Variants in SCAP observed in about 807,000 individuals in gnomAD.
The protein encoded by SCAP is SREBF chaperone.
Under a neutral mutation model 123.6 loss-of-function variants are expected in SCAP, and 65 were observed. That is an observed-to-expected ratio of 0.53 (90% CI 0.43 to 0.65). SCAP has a LOEUF of 0.65. SCAP is among the 30% of genes least tolerant of loss of function. SCAP has a pLI of 0.00. For missense variants in SCAP, 1,398 were observed against 1,712.5 expected (o/e 0.82, Z 3.24); for synonymous variants, 740 against 726.3 (o/e 1.02, Z -0.30).
At chr3:47,437,606 C>A (rs1706633119) in intron 2 of SCAP, among the ~76,000 whole-genome samples, 4 of 151,380 alleles carry the variant, frequency 2.6e-5, no homozygotes, top group Admixed American at 2.6e-4. Context: ...GTTAGCCAGG[C>A]ATGCTGGTGC....
chr3:47,427,152 C>T lies in SCAP; in HGVS notation c.737+5G>A. 6.2e-7 allele frequency: 1 copy of T among 1,607,418 alleles called. No individual in the cohort carries two copies. Among genetic ancestry groups the T allele is most frequent in the East Asian group, 2.2e-5 (1 of 44,838 alleles). On this transcript the variant is annotated splice_donor_5th_base_variant and intron_variant, in intron 6 of 22. Coordinates refer to ENST00000265565, the MANE Select transcript of SCAP (RefSeq NM_012235.4). ...GTCAAGAGCCCAGGGTACTGTCAAT[C>T]TTACTTGGCATGGTAGTGCTGGAAG...
In SCAP at chr3:47,434,929, A is replaced by G. The variant is rs202229681; in HGVS notation, c.252+79T>C. The G allele has an allele frequency of 2.2e-5, 35 of 1,590,862 alleles. 1 individual carries two copies. Among genetic ancestry groups the G allele is most frequent in the Middle Eastern group, 1.7e-4 (1 of 5,894 alleles). On this transcript the variant is annotated intron_variant, in intron 3 of 22. Transcript: ENST00000265565. ...ACAAATCAGAAGCTGACCAACCTCA[A>G]TCTCACTGGCAGACCCCTGCCTCAG...
At chr3:47,414,411 G>T (rs1324472757) in intron 21 of SCAP, 25 bp from the exon 22 acceptor site, 3 of 1,610,976 alleles carry the variant, frequency 1.9e-6, no homozygotes, top group Non-Finnish European at 2.5e-6. Context: ...CAGGGGAGTG[G>T]GGTCACCATG....
At chr3:47,465,232 ACAATCTCGGTTCACTG>A (rs1373146058) in intron 1 of SCAP, among the ~76,000 whole-genome samples, 7 of 150,950 alleles carry the variant, frequency 4.6e-5, no homozygotes, top group African/African-American at 1.7e-4. Context: ...GTGCAGTGGC[ACAATCTCGGTTCACTG>A]CAATCTCCGC....
chr3:47,476,517 A>C (rs1400772278), upstream of SCAP, among the ~76,000 whole-genome samples: 1 of 152,254 alleles, frequency 6.6e-6, no homozygotes, highest in African/African-American at 2.4e-5. Flanking sequence ...AGATGAGAAG[A>C]ATAAATAATG....
intron 8 of SCAP, 144 bp downstream of exon 8, chr3:47,425,341 G>GA: frequency 1.2e-6 from 1 of 864,234 alleles, no homozygotes; most frequent in Non-Finnish European, 1.7e-6. Context: ...AGAAGAGGAA[G>GA]AAAATGTACC....
In SCAP at chr3:47,425,603, C is replaced by T. The variant is rs200661820; in HGVS notation, c.919G>A (p.Asp307Asn). The part of the protein sequence containing the change: ...AYIYFSTRKI[D>N]MVKSKWGLAL... ...AGCCCCCACTTGGACTTGACCATGTCGATCTTCCCTGGAGGGCAGAGAGGG... is the reference window on the plus strand; with the variant it reads ...AGCCCCCACTTGGACTTGACCATGTTGATCTTCCCTGGAGGGCAGAGAGGG... Residue 307 changes from aspartate to asparagine, a missense_variant, in exon 8 of 23, where the codon GAC (aspartate) becomes AAC (asparagine). Physicochemically the swap from Asp to Asn is conservative, Grantham distance 23 (BLOSUM62 1). Transcript: ENST00000265565. The T allele has an allele frequency of 8.1e-6, 13 of 1,614,034 alleles. No individual in the cohort carries two copies. Among genetic ancestry groups the T allele is most frequent in the Non-Finnish European group, 1.0e-5 (12 of 1,180,026 alleles).
chr3:47,430,862 G>A lies in SCAP; in HGVS notation c.253-2192C>T, dbSNP rs897111977. On this transcript the variant is annotated intron_variant, in intron 3 of 22. Coordinates refer to ENST00000265565, the MANE Select transcript of SCAP (RefSeq NM_012235.4). ...CAGTCGGGAACTCCAAGGGGCATGC[G>A]TGTGGATGAAAGGGAGGCCATGGAG... is the stretch of plus-strand genomic sequence containing the variant. Among the ~76,000 whole-genome samples the A allele has an allele frequency of 5.9e-5, 9 of 152,170 alleles. No homozygotes were observed. In the South Asian group the frequency reaches 6.2e-4, roughly 10 times the overall value.
intron 1 of SCAP, among the ~76,000 whole-genome samples, chr3:47,454,227 C>T (rs534331608): frequency 2.0e-5 from 3 of 151,942 alleles, no homozygotes; most frequent in African/African-American, 4.8e-5. Context: ...ATTAGCCGGG[C>T]GAGGTGGCGG....
At chr3:47,416,252 G>T (rs1320523847) in intron 18 of SCAP, among the ~76,000 whole-genome samples, 1 of 152,244 alleles carries the variant, frequency 6.6e-6, no homozygotes, top group Non-Finnish European at 1.5e-5. Flanking sequence ...AGGTTCACCA[G>T]CTTGGAGGTG....
intron 10 of SCAP, 138 bp from the exon 11 acceptor site, chr3:47,421,167 G>A (rs1157553698): frequency 7.1e-6 from 5 of 705,480 alleles, no homozygotes; most frequent in Admixed American, 2.1e-5. Flanking sequence ...GAGAGATGCT[G>A]GTTGGTCCTC....
chr3:47,427,093 G>T, intron 6 of SCAP, 64 bp downstream of exon 6: 2 of 1,146,922 alleles, frequency 1.7e-6, no homozygotes, highest in South Asian at 1.2e-5. Context: ...CCAGAAGAGG[G>T]ACTACTCAAA....
At chr3:47,462,648 G>A (rs1707684897) in intron 1 of SCAP, among the ~76,000 whole-genome samples, 1 of 151,568 alleles carries the variant, frequency 6.6e-6, no homozygotes, top group Non-Finnish European at 1.5e-5. Context: ...AGCTACTCAG[G>A]AGGCTGAGGC....
At chr3:47,455,128 A>G (rs1409927552) in intron 1 of SCAP, among the ~76,000 whole-genome samples, 1 of 148,902 alleles carries the variant, frequency 6.7e-6, no homozygotes, top group Non-Finnish European at 1.5e-5. Context: ...TTGATAAAAG[A>G]ATCACCATAA....
chr3:47,451,562 G>A (rs1248617950), intron 1 of SCAP, among the ~76,000 whole-genome samples: 1 of 119,472 alleles, frequency 8.4e-6, no homozygotes, highest in African/African-American at 2.9e-5. Context: ...CACACCCAAC[G>A]AAATGTTTGT....
intron 2 of SCAP, among the ~76,000 whole-genome samples, chr3:47,438,125 T>C (rs1706656949): frequency 6.6e-6 from 1 of 152,236 alleles, no homozygotes; most frequent in Non-Finnish European, 1.5e-5. Flanking sequence ...AAAAAAATTA[T>C]TTCATTTACT....
intron 1 of SCAP, among the ~76,000 whole-genome samples, chr3:47,455,178 TCAA>T (rs901527572): frequency 9.3e-5 from 14 of 149,900 alleles, no homozygotes; most frequent in Non-Finnish European, 1.3e-4. Context: ...TTCACATACA[TCAA>T]CAACAAGCAG....
chr3:47,418,378 GTAGTCGTCGCA>G lies in SCAP; in HGVS notation c.2263_2273del (p.Cys755ArgfsTer71). On this transcript the variant is annotated frameshift_variant, in exon 15 of 23. Coordinates refer to ENST00000265565, the MANE Select transcript of SCAP (RefSeq NM_012235.4). LOFTEE classifies it high-confidence loss of function. ...TCTCCGTCTCGGGTGGCGCATAGCC[GTAGTCGTCGCA>G]GGGCAGCTCCCCGCGCCTCCGCCGC... 6.4e-7 allele frequency: 1 copy of G among 1,573,338 alleles called. No individual in the cohort carries two copies. Among genetic ancestry groups the G allele is most frequent in the Non-Finnish European group, 8.6e-7 (1 of 1,162,744 alleles).
intron 9 of SCAP, 72 bp downstream of exon 9, chr3:47,423,861 T>A (rs1040767374): frequency 9.1e-7 from 1 of 1,102,080 alleles, no homozygotes; most frequent in African/African-American, 1.5e-5. Flanking sequence ...TCACAGAGCG[T>A]TAACAGCAAG....
Sources: gnomAD v4.1 joint callset for allele counts (sites outside exome capture counted in the v4.1 genomes callset) on GRCh38, gnomAD v4.1.1 for gene constraint, MANE v1.5 for transcripts, NCBI Gene and HGNC (gene_info 2026-07-23, HGNC 2026-07-21) for gene names.